PGS1: variants seen among roughly 807,000 people sequenced by gnomAD.
PGS1 encodes the protein phosphatidylglycerophosphate synthase 1, also known as CDP-diacylglycerol--glycerol-3-phosphate 3-phosphatidyltransferase, mitochondrial.
In PGS1, 44 loss-of-function variants were observed where a neutral mutation model predicts 58.3. That is an observed-to-expected ratio of 0.75 (90% CI 0.59 to 0.97). The LOEUF (loss-of-function observed/expected upper bound fraction) is 0.97. PGS1 is among the 50% of genes least tolerant of loss of function. The pLI, the probability that PGS1 is intolerant of heterozygous loss-of-function variation, is 0.00. For synonymous variants in PGS1, 330 were observed against 311.0 expected (o/e 1.06, Z -0.64); for missense variants, 684 against 731.1 (o/e 0.94, Z 0.74).
intron 8 of PGS1, among the ~76,000 whole-genome samples, chr17:78,416,545 T>C (rs72921250): frequency 0.12 from 17,964 of 148,000 alleles, 1,353 homozygotes; most frequent in Middle Eastern, 0.18. Flanking sequence ...CCCACTGCCC[T>C]AGTAAGGGCA....
Position 78,414,863 on chromosome 17 carries a change from T to G in PGS1, c.1403-16T>G, listed in dbSNP as rs751283336. On this transcript the variant is annotated splice_polypyrimidine_tract_variant and intron_variant, in intron 7 of 9. Transcript: ENST00000262764. ...CTGTGCTCATTTCCTGTCTGCACGT[T>G]TCCTTTTCCCCGCAGGCCTCTGGCT... The G allele has an allele frequency of 1.3e-5, 21 of 1,613,284 alleles. No homozygotes were observed. Among genetic ancestry groups the G allele is most frequent in the Non-Finnish European group, 8.5e-7 (1 of 1,179,468 alleles).
chr17:78,406,280 T>C (rs1308911532), intron 7 of PGS1, among the ~76,000 whole-genome samples: 1 of 151,940 alleles, frequency 6.6e-6, no homozygotes, highest in Non-Finnish European at 1.5e-5. Context: ...ATCGTGCCAC[T>C]GCATTCCAGC....
chr17:78,378,703 T>C lies in PGS1; in HGVS notation c.38T>C (p.Phe13Ser). The change falls in exon 1 of 10, where the codon TTC becomes TCC. Residue 13 changes from phenylalanine to serine, a missense_variant. Coordinates refer to ENST00000262764, the MANE Select transcript of PGS1 (RefSeq NM_024419.5). Reference protein sequence around the residue: ...VAAAAAAGPVFWRRLLGLLPG... With the variant: ...VAAAAAAGPVSWRRLLGLLPG... The stretch of plus-strand genomic sequence containing the variant: ...GCGGCAGCTGCGGCGGGACCCGTGT[T>C]CTGGAGGCGACTGCTGGGCCTCCTG... The C allele has an allele frequency of 2.0e-6, 3 of 1,523,512 alleles. No homozygotes were observed. Among genetic ancestry groups the C allele is most frequent in the Non-Finnish European group, 2.6e-6 (3 of 1,142,038 alleles). The allele number at this position is 1,523,512 out of a possible 1,614,324, so 94.4% of individuals were successfully genotyped here. A position where few individuals can be genotyped will look rare whatever the true frequency, so the allele number is the denominator to read the frequency against.
Sources: gnomAD v4.1 joint callset for allele counts (sites outside exome capture counted in the v4.1 genomes callset) on GRCh38, gnomAD v4.1.1 for gene constraint, MANE v1.5 for transcripts, NCBI Gene and HGNC (gene_info 2026-07-23, HGNC 2026-07-21) for gene names.